The following DPEP1 variants were observed in gnomAD, a reference collection of about 807,000 sequenced individuals.
The protein encoded by DPEP1 is dipeptidase 1.
A neutral mutation model predicts 42.3 loss-of-function variants in DPEP1; 50 were observed. That is an observed-to-expected ratio of 1.18 (90% CI 0.94 to 1.50). DPEP1 has a LOEUF of 1.50. DPEP1 is among the 40% of genes most tolerant of loss of function. The probability of loss-of-function intolerance (pLI) is 0.00; values close to 1 mark genes in which losing one functional copy is unlikely to be tolerated. For missense variants in DPEP1, 663 were observed against 553.0 expected (o/e 1.20, Z -1.99); for synonymous variants, 297 against 234.0 (o/e 1.27, Z -2.46).
intron 1 of DPEP1, among the ~76,000 whole-genome samples, chr16:89,622,331 C>T (rs1041293439): frequency 3.9e-5 from 6 of 152,124 alleles, no homozygotes; most frequent in Non-Finnish European, 5.9e-5. Flanking sequence ...ACATGAAAGA[C>T]GCACAACCAG....
intron 2 of DPEP1, among the ~76,000 whole-genome samples, chr16:89,633,958 G>C (rs2059624411): frequency 1.3e-5 from 2 of 152,180 alleles, no homozygotes; most frequent in South Asian, 4.1e-4. Flanking sequence ...GCATTCCCCA[G>C]GGTCGGGGGT....
chr16:89,638,114 C>G lies in DPEP1; in HGVS notation c.1128C>G (p.Ser376=). 1 of 1,612,412 alleles carries G rather than the reference C, an allele frequency of 6.2e-7. No individual in the cohort carries two copies. The highest frequency in any genetic ancestry group is 1.7e-5 in the Admixed American group (1 of 60,002). ...EPIPLDQLGG[S]CRTHYGYSSG... is the part of the protein sequence containing the mutation. ...TCCCGCTGGACCAGCTGGGTGGCTC[C>G]TGCAGGACCCATTACGGCTACTCCT... Residue 376 remains serine (S), a synonymous_variant, in exon 11 of 11, where the codon TCC becomes TCG. Coordinates refer to ENST00000690203, the MANE Select transcript of DPEP1 (RefSeq NM_001389466.1).
downstream of DPEP1, among the ~76,000 whole-genome samples, chr16:89,640,999 G>A (rs1011394112): frequency 1.3e-4 from 20 of 152,204 alleles, no homozygotes; most frequent in African/African-American, 4.6e-4. Flanking sequence ...CCACTGGACA[G>A]GGGGCCCTTC....
chr16:89,623,834 C>T (rs140754189), intron 1 of DPEP1, among the ~76,000 whole-genome samples: 1 of 152,164 alleles, frequency 6.6e-6, no homozygotes, highest in East Asian at 1.9e-4. Flanking sequence ...GGGATACGGG[C>T]GACTGGAAAT....
chr16:89,632,923 C>G (rs1242757990), intron 2 of DPEP1, among the ~76,000 whole-genome samples: 2 of 151,856 alleles, frequency 1.3e-5, no homozygotes, highest in African/African-American at 4.8e-5. Context: ...GACCCTGTCT[C>G]AAAAAGAAAA....
intron 5 of DPEP1, 21 bp from the exon 6 acceptor site, chr16:89,636,845 A>G (rs756982381): frequency 1.2e-6 from 2 of 1,612,072 alleles, no homozygotes; most frequent in Non-Finnish European, 1.7e-6. Context: ...CCTCTTGGGC[A>G]CCTGCCTTTT....
At chr16:89,626,202 T>C (rs1476196233) in intron 1 of DPEP1, among the ~76,000 whole-genome samples, 1 of 152,086 alleles carries the variant, frequency 6.6e-6, no homozygotes, top group African/African-American at 2.4e-5. Flanking sequence ...TGGTTCTGTG[T>C]CCCCACCCAA....
At chr16:89,615,473 A>G (rs1282915771) in intron 1 of DPEP1, among the ~76,000 whole-genome samples, 1 of 152,106 alleles carries the variant, frequency 6.6e-6, no homozygotes, top group Non-Finnish European at 1.5e-5. Flanking sequence ...TCTCTACCTC[A>G]GTTTCCAAGA....
intron 1 of DPEP1, among the ~76,000 whole-genome samples, chr16:89,616,396 C>T (rs914787986): frequency 1.7e-4 from 26 of 152,034 alleles, no homozygotes; most frequent in African/African-American, 5.5e-4. Context: ...GACAGACGGG[C>T]GGAAAGGAGG....
chr16:89,618,550 CA>C (rs2059405031), intron 1 of DPEP1, among the ~76,000 whole-genome samples: 1 of 152,080 alleles, frequency 6.6e-6, no homozygotes, highest in Non-Finnish European at 1.5e-5. Context: ...AGTTTTGAGA[CA>C]GGGTCTCACT....
chr16:89,624,696 G>A (rs369558606), intron 1 of DPEP1, among the ~76,000 whole-genome samples: 4 of 151,998 alleles, frequency 2.6e-5, no homozygotes, highest in African/African-American at 4.8e-5. Context: ...AACCACGCCC[G>A]GCTAATTTTT....
intron 1 of DPEP1, among the ~76,000 whole-genome samples, chr16:89,617,883 G>A (rs568052176): frequency 6.6e-6 from 1 of 152,194 alleles, no homozygotes; most frequent in Non-Finnish European, 1.5e-5. Flanking sequence ...AATTAGCTGT[G>A]TGTGGTGGCA....
chr16:89,630,587 G>C (rs1299071671), intron 2 of DPEP1, 73 bp downstream of exon 2: 15 of 234,074 alleles, frequency 6.4e-5, no homozygotes, highest in Non-Finnish European at 1.1e-4. Flanking sequence ...GGGGCTGGGG[G>C]AGCCGGGGCT....
intron 1 of DPEP1, among the ~76,000 whole-genome samples, chr16:89,623,167 G>A (rs755706313): frequency 1.3e-5 from 2 of 152,006 alleles, no homozygotes; most frequent in South Asian, 2.1e-4. Context: ...GCTGCTGGGC[G>A]TGGTGGCAGT....
chr16:89,617,551 G>T (rs912803895), intron 1 of DPEP1, among the ~76,000 whole-genome samples: 1 of 130,266 alleles, frequency 7.7e-6, no homozygotes, highest in African/African-American at 2.8e-5. Context: ...GTCTGTGCCA[G>T]AAATGCTGGA....
At chr16:89,620,595 G>T (rs551855228) in intron 1 of DPEP1, 1 of 152,428 alleles carries the variant, frequency 6.6e-6, no homozygotes, top group Non-Finnish European at 1.5e-5. Context: ...TCTCCCTGGG[G>T]TACTGTGCGA....
At chr16:89,633,171 C>T (rs974245499) in intron 2 of DPEP1, among the ~76,000 whole-genome samples, 6 of 152,164 alleles carry the variant, frequency 3.9e-5, no homozygotes, top group East Asian at 3.9e-4. Flanking sequence ...GGCTGCTGCC[C>T]GGGCAGGGTC....
rs113241892 is a variant in DPEP1 at position 89,636,800 on chromosome 16, C to A, written c.522-66C>A. 1,192 of 1,606,202 alleles carry A rather than the reference C, an allele frequency of 7.4e-4. 13 individuals are homozygous for A. The African/African-American group carries it at 0.015, about 20-fold the overall frequency. On this transcript the variant is annotated intron_variant, in intron 5 of 10. Coordinates refer to ENST00000690203, the MANE Select transcript of DPEP1 (RefSeq NM_001389466.1). ...CTGTGAGTCCCAGGCCGGGCCTCGC[C>A]TGCTGGGCTGATGGGAGGCCGAGAC...
chr16:89,636,797 C>A, intron 5 of DPEP1, 69 bp from the exon 6 acceptor site: 1 of 1,604,620 alleles, frequency 6.2e-7, no homozygotes. Context: ...GGCCGGGCCT[C>A]GCCTGCTGGG....
Sources: gnomAD v4.1 joint callset for allele counts (sites outside exome capture counted in the v4.1 genomes callset) on GRCh38, gnomAD v4.1.1 for gene constraint, MANE v1.5 for transcripts, NCBI Gene and HGNC (gene_info 2026-07-23, HGNC 2026-07-21) for gene names.